The following NDUFAF6 variants were observed in gnomAD, a reference collection of about 807,000 sequenced individuals.
The protein encoded by NDUFAF6 is NADH:ubiquinone oxidoreductase complex assembly factor 6, also known as NADH dehydrogenase (ubiquinone) complex I, assembly factor 6.
Under a neutral mutation model 40.8 loss-of-function variants are expected in NDUFAF6, and 45 were observed. The observed-to-expected ratio is 1.10, with a 90% CI of 0.87 to 1.42. NDUFAF6 has a LOEUF of 1.42. NDUFAF6 is among the 40% of genes most tolerant of loss of function. The pLI is 0.00. For synonymous variants in NDUFAF6, 185 were observed against 155.9 expected, an observed-to-expected ratio of 1.19 and a Z score of -1.39; for missense variants, 435 against 418.5, an observed-to-expected ratio of 1.04 and a Z score of -0.34.
At position 94,900,330 on chromosome 8, in the gene NDUFAF6, G is replaced by A. The variant is rs1449758764; in HGVS notation, c.-936+4403G>A. Among the ~76,000 whole-genome samples the A allele has an allele frequency of 6.6e-5, 10 of 151,964 alleles. 1 individual carries two copies. ...GTCCCTTGAAAGAGTTTTGCAGCTGGCACCTTGGAGGGCTCAGCAGGGTGG... is the reference window on the plus strand; with the variant it reads ...GTCCCTTGAAAGAGTTTTGCAGCTGACACCTTGGAGGGCTCAGCAGGGTGG... On this transcript the variant is annotated intron_variant, in intron 1 of 14. Transcript: ENST00000396113.
intron 2 of NDUFAF6, among the ~76,000 whole-genome samples, chr8:95,082,297 C>G (rs991467004): frequency 6.6e-6 from 1 of 151,934 alleles, no homozygotes; most frequent in Non-Finnish European, 1.5e-5. Flanking sequence ...GGCAACATGA[C>G]GAGACCCTGT....
At chr8:94,985,010 C>T (rs1437537311) in intron 2 of NDUFAF6, among the ~76,000 whole-genome samples, 1 of 152,082 alleles carries the variant, frequency 6.6e-6, no homozygotes, top group African/African-American at 2.4e-5. Flanking sequence ...CTGCCTTCCT[C>T]TCTGAAGGCT....
intron 2 of NDUFAF6, among the ~76,000 whole-genome samples, chr8:94,989,542 C>T (rs964358295): frequency 2.0e-5 from 3 of 152,120 alleles, no homozygotes; most frequent in Non-Finnish European, 4.4e-5. Flanking sequence ...ATGCCTGACT[C>T]AATCAATGTG....
chr8:95,024,947 C>G, upstream of NDUFAF6: 1 of 1,255,776 alleles, frequency 8.0e-7, no homozygotes, highest in African/African-American at 1.6e-5. Context: ...CCTGCAGGGG[C>G]GTGGCCGGGG....
Position 94,995,281 on chromosome 8 carries a change from G to T in NDUFAF6, c.-84+14308G>T, listed in dbSNP as rs181031395. Among the ~76,000 whole-genome samples, 47 of 150,284 alleles carry T rather than the reference G, an allele frequency of 3.1e-4. No homozygotes were observed. The East Asian group carries it at 8.3e-3, about 27-fold the overall frequency. ...TAAAGGAGTTAAAATGATAGAAACA[G>T]AAAGTAGAGAGGTAGTTGCTAAAGG... On this transcript the variant is annotated intron_variant, in intron 2 of 9. Transcript: ENST00000396111.
chr8:95,029,810 A>G (rs1828619822), intron 1 of NDUFAF6, among the ~76,000 whole-genome samples: 1 of 152,212 alleles, frequency 6.6e-6, no homozygotes, highest in Admixed American at 6.5e-5. Context: ...TCTCCATATC[A>G]TATCAGGCAG....
intron 1 of NDUFAF6, 138 bp from the exon 2 acceptor site, chr8:95,031,857 T>C: frequency 1.3e-6 from 1 of 779,904 alleles, no homozygotes; most frequent in South Asian, 1.4e-5. Flanking sequence ...CGCCTTGGCC[T>C]CCCAAAGTGC....
intron 1 of NDUFAF6, among the ~76,000 whole-genome samples, chr8:94,971,728 G>A (rs1231262159): frequency 6.6e-6 from 1 of 152,170 alleles, no homozygotes; most frequent in East Asian, 1.9e-4. Context: ...CCTGAGGTCA[G>A]GAGTTCGAGA....
intron 2 of NDUFAF6, among the ~76,000 whole-genome samples, chr8:95,092,427 C>T (rs566422024): frequency 6.6e-6 from 1 of 152,128 alleles, no homozygotes; most frequent in Admixed American, 6.5e-5. Context: ...AGTGAGCCAC[C>T]CGCCTCAGCC....
intron 4 of NDUFAF6, among the ~76,000 whole-genome samples, chr8:95,042,954 C>G (rs1830304243): frequency 6.6e-6 from 1 of 152,066 alleles, no homozygotes; most frequent in Admixed American, 6.6e-5. Context: ...AAGTTTTGAC[C>G]CCTCCCTCAC....
chr8:94,902,693 C>CTTT lies in NDUFAF6; in HGVS notation c.-936+6782_-936+6784dup, dbSNP rs35185664. Among the ~76,000 whole-genome samples, 64 of 121,516 alleles carry CTTT rather than the reference C, an allele frequency of 5.3e-4. 3 individuals are homozygous for CTTT. The highest frequency in any genetic ancestry group is 7.5e-4 in the Non-Finnish European group (45 of 60,262). 79.7% of individuals were successfully genotyped at this position (121,516 alleles called of 152,430 possible). A position where few individuals can be genotyped will look rare whatever the true frequency, so the allele number is the denominator to read the frequency against. On this transcript the variant is annotated intron_variant, in intron 1 of 14. Transcript: ENST00000396113. The stretch of plus-strand genomic sequence containing the variant: ...ACAAGGAAGTCTTTTTGTGGACATA[C>CTTT]TTTTTTTTTTTTTTTTTTGAGATGG...
intron 1 of NDUFAF6, among the ~76,000 whole-genome samples, chr8:94,969,157 A>G (rs74861094): frequency 0.13 from 19,900 of 152,156 alleles, 1,629 homozygotes; most frequent in Middle Eastern, 0.23. Context: ...AAAAACAGAG[A>G]ACTAGATGAG....
At chr8:94,944,973 C>G (rs1453003188) in intron 1 of NDUFAF6, among the ~76,000 whole-genome samples, 3 of 152,200 alleles carry the variant, frequency 2.0e-5, no homozygotes, top group Admixed American at 6.5e-5. Context: ...TGGAGAGACC[C>G]TCCCCCCATT....
At chr8:95,000,183 AAT>A (rs1454115720) in intron 2 of NDUFAF6, among the ~76,000 whole-genome samples, 1 of 152,158 alleles carries the variant, frequency 6.6e-6, no homozygotes, top group East Asian at 1.9e-4. Flanking sequence ...CAAAAAATAC[AAT>A]AGTTAGCTGG....
chr8:94,988,336 A>G (rs1826032516), intron 2 of NDUFAF6: 1 of 152,090 alleles, frequency 6.6e-6, no homozygotes, highest in African/African-American at 2.4e-5. Context: ...TCAAGAACTT[A>G]TTTTCCCTCT....
chr8:94,957,081 A>G (rs1823147852), upstream of NDUFAF6, among the ~76,000 whole-genome samples: 1 of 152,200 alleles, frequency 6.6e-6, no homozygotes, highest in East Asian at 1.9e-4. Flanking sequence ...CTGAGGCAGG[A>G]GAATCACTTG....
At chr8:94,996,124 A>G (rs1826420295) in intron 2 of NDUFAF6, among the ~76,000 whole-genome samples, 1 of 152,216 alleles carries the variant, frequency 6.6e-6, no homozygotes, top group African/African-American at 2.4e-5. Context: ...AGTGCATCAC[A>G]TTAATGTATC....
intron 1 of NDUFAF6, among the ~76,000 whole-genome samples, chr8:94,907,352 A>G (rs929995424): frequency 2.6e-5 from 4 of 152,356 alleles, no homozygotes; most frequent in African/African-American, 9.6e-5. Flanking sequence ...TGCTGAATGC[A>G]TATGTGAGCA....
At chr8:95,020,607 G>A (rs1267042769), upstream of NDUFAF6, among the ~76,000 whole-genome samples, 3 of 152,234 alleles carry the variant, frequency 2.0e-5, no homozygotes, top group Non-Finnish European at 4.4e-5. Context: ...AGCCAGGCAT[G>A]TTTGTGCAGT....
Sources: gnomAD v4.1 joint callset for allele counts (sites outside exome capture counted in the v4.1 genomes callset) on GRCh38, gnomAD v4.1.1 for gene constraint, MANE v1.5 for transcripts, NCBI Gene and HGNC (gene_info 2026-07-23, HGNC 2026-07-21) for gene names.